The following CMIP variants were observed in gnomAD, a reference collection of about 807,000 sequenced individuals.
CMIP encodes c-Maf inducing protein, also known as C-Maf-inducing protein.
Under a neutral mutation model 97.3 loss-of-function variants are expected in CMIP, and 13 were observed. The observed-to-expected ratio is 0.13, with a 90% CI of 0.09 to 0.21. CMIP has a LOEUF of 0.21. CMIP is among the 10% of genes least tolerant of loss of function. The probability of loss-of-function intolerance (pLI) is 1.00; values close to 1 mark genes in which losing one functional copy is unlikely to be tolerated. For missense variants in CMIP, 847 were observed against 1,024.9 expected (o/e 0.83, Z 2.37); for synonymous variants, 538 against 436.3 (o/e 1.23, Z -2.91).
intron 15 of CMIP, 75 bp from the exon 16 acceptor site, chr16:81,701,585 C>A: frequency 6.2e-7 from 1 of 1,603,202 alleles, no homozygotes; most frequent in South Asian, 1.1e-5. Context: ...CAAAACAAGG[C>A]CCTTGGGGTG....
At chr16:81,646,873 C>A (rs2092370014) in intron 3 of CMIP, among the ~76,000 whole-genome samples, 2 of 152,202 alleles carry the variant, frequency 1.3e-5, no homozygotes, top group Admixed American at 1.3e-4. Flanking sequence ...ATCCATTCAT[C>A]AGTTGATGAA....
intron 3 of CMIP, among the ~76,000 whole-genome samples, chr16:81,629,222 T>C (rs932290862): frequency 5.4e-5 from 8 of 149,022 alleles, no homozygotes; most frequent in Non-Finnish European, 3.0e-5. Flanking sequence ...GCAGAAGGGC[T>C]GATTGCCTCA....
At chr16:81,702,490 C>G (rs1310430489) in intron 16 of CMIP, 132 bp from the exon 17 acceptor site, 13 of 926,734 alleles carry the variant, frequency 1.4e-5, no homozygotes, top group Non-Finnish European at 1.5e-5. Context: ...GCCCCTGAGA[C>G]CAAGACCACC....
intron 1 of CMIP, among the ~76,000 whole-genome samples, chr16:81,599,573 C>T (rs185911184): frequency 6.6e-5 from 10 of 152,324 alleles, no homozygotes; most frequent in Admixed American, 2.0e-4. Context: ...GTCCCAGCTC[C>T]TTTCTCATAA....
chr16:81,549,935 T>C (rs6564887), intron 1 of CMIP, among the ~76,000 whole-genome samples: 128,473 of 152,246 alleles, frequency 0.84, 54,312 homozygotes, highest in Admixed American at 0.89. Flanking sequence ...TGTGCATTTG[T>C]GTGTGTGTGT....
rs568369989 is a variant in CMIP at position 81,513,649 on chromosome 16, C to G, written c.300+68108C>G. Among the ~76,000 whole-genome samples, 13 of 152,334 alleles carry G rather than the reference C, an allele frequency of 8.5e-5. No homozygotes were observed. The East Asian group carries it at 2.5e-3, about 29-fold the overall frequency. On this transcript the variant is annotated intron_variant, in intron 1 of 20. Transcript: ENST00000537098. ...GTTCTGGCCTGGCTGCTGTGCAGACCCGTGGGTCTAGGCAATGGGGCAAGG... is the reference window on the plus strand; with the variant it reads ...GTTCTGGCCTGGCTGCTGTGCAGACGCGTGGGTCTAGGCAATGGGGCAAGG...
intron 4 of CMIP, among the ~76,000 whole-genome samples, chr16:81,656,181 T>G (rs965491658): frequency 1.3e-5 from 2 of 152,192 alleles, no homozygotes; most frequent in Non-Finnish European, 2.9e-5. Context: ...TGTTGTTCAT[T>G]CAGATGCTGA....
At chr16:81,686,016 G>T (rs1232761804) in intron 10 of CMIP, among the ~76,000 whole-genome samples, 1 of 152,206 alleles carries the variant, frequency 6.6e-6, no homozygotes, top group African/African-American at 2.4e-5. Context: ...GTGTGGCCTG[G>T]GGCCAGGGCA....
At chr16:81,556,933 C>T (rs59773527) in intron 1 of CMIP, among the ~76,000 whole-genome samples, 1 of 152,192 alleles carries the variant, frequency 6.6e-6, no homozygotes, top group Admixed American at 6.5e-5. Context: ...CAAGGAGGCG[C>T]GATGACTCAA....
intron 3 of CMIP, chr16:81,651,398 C>G (rs1330562726): frequency 1.0e-6 from 1 of 980,984 alleles, no homozygotes; most frequent in Non-Finnish European, 1.2e-6. Context: ...CCCAACCGCT[C>G]TCTGGCTTCG....
At chr16:81,675,243 A>G (rs564154505) in intron 9 of CMIP, among the ~76,000 whole-genome samples, 1 of 151,922 alleles carries the variant, frequency 6.6e-6, no homozygotes, top group African/African-American at 2.4e-5. Context: ...TCACTCTGTC[A>G]CCCAAGCTGG....
intron 1 of CMIP, among the ~76,000 whole-genome samples, chr16:81,494,019 T>C (rs2089448151): frequency 1.3e-5 from 2 of 152,214 alleles, no homozygotes; most frequent in Non-Finnish European, 2.9e-5. Context: ...AGTGTGAGTA[T>C]GTGGAAATGT....
intron 14 of CMIP, chr16:81,697,581 C>T (rs1016928753): frequency 3.9e-5 from 6 of 152,252 alleles, no homozygotes; most frequent in Non-Finnish European, 8.8e-5. Flanking sequence ...GCCCCTCGTC[C>T]GGGAGCCTCG....
chr16:81,615,148 G>A (rs1377708763), intron 2 of CMIP, among the ~76,000 whole-genome samples: 1 of 151,366 alleles, frequency 6.6e-6, no homozygotes, highest in East Asian at 1.9e-4. Flanking sequence ...TCTGTGTGAT[G>A]TGTGTGCATG....
At chr16:81,533,382 T>C (rs2090278451) in intron 1 of CMIP, among the ~76,000 whole-genome samples, 1 of 152,264 alleles carries the variant, frequency 6.6e-6, no homozygotes, top group Admixed American at 6.5e-5. Flanking sequence ...GAATAAAGTT[T>C]GCCTGTTAAG....
intron 10 of CMIP, among the ~76,000 whole-genome samples, chr16:81,684,792 G>A (rs181937201): frequency 1.2e-4 from 18 of 152,332 alleles, no homozygotes; most frequent in Non-Finnish European, 2.5e-4. Flanking sequence ...CGTCCCCTCC[G>A]TCCAAGCTGG....
At chr16:81,474,677 G>C (rs1046079727) in intron 1 of CMIP, among the ~76,000 whole-genome samples, 5 of 152,228 alleles carry the variant, frequency 3.3e-5, no homozygotes, top group Admixed American at 2.0e-4. Flanking sequence ...AGGAACCACT[G>C]TCCGCCTGCG....
chr16:81,670,376 TAC>T, intron 8 of CMIP, 131 bp downstream of exon 8: 1 of 930,006 alleles, frequency 1.1e-6, no homozygotes, highest in Non-Finnish European at 1.6e-6. Context: ...GCCCCTAGCC[TAC>T]TGCACGGTGC....
chr16:81,484,806 C>T (rs752569504), intron 1 of CMIP, among the ~76,000 whole-genome samples: 1 of 152,028 alleles, frequency 6.6e-6, no homozygotes. Context: ...TTTGCCTGCC[C>T]GGGTGTCCTC....
Sources: gnomAD v4.1 joint callset for allele counts (sites outside exome capture counted in the v4.1 genomes callset) on GRCh38, gnomAD v4.1.1 for gene constraint, MANE v1.5 for transcripts, NCBI Gene and HGNC (gene_info 2026-07-23, HGNC 2026-07-21) for gene names.